The following SNTG2 variants were observed in gnomAD, a reference collection of about 807,000 sequenced individuals.
The protein encoded by SNTG2 is syntrophin gamma 2.
A neutral mutation model predicts 70.9 loss-of-function variants in SNTG2; 74 were observed. That is an observed-to-expected ratio of 1.04 (90% CI 0.86 to 1.27). The LOEUF (loss-of-function observed/expected upper bound fraction) is 1.27. SNTG2 is among the 50% of genes most tolerant of loss of function. The pLI is 0.00. For synonymous variants in SNTG2, 278 were observed against 273.8 expected (o/e 1.02, Z -0.15); for missense variants, 717 against 690.7 (o/e 1.04, Z -0.43).
chr2:971,277 TG>T (rs549951109), intron 1 of SNTG2, among the ~76,000 whole-genome samples: 39 of 152,256 alleles, frequency 2.6e-4, no homozygotes, highest in African/African-American at 9.4e-4. Context: ...GGGGATTTTC[TG>T]GTTGATAGGC....
chr2:1,315,513 C>G (rs1389484215), intron 15 of SNTG2, among the ~76,000 whole-genome samples: 2 of 151,920 alleles, frequency 1.3e-5, no homozygotes, highest in African/African-American at 4.8e-5. Context: ...TGGAATTTTC[C>G]TGGGAAGATA....
chr2:1,355,348 C>T (rs1333900674), intron 16 of SNTG2, among the ~76,000 whole-genome samples: 1 of 152,178 alleles, frequency 6.6e-6, no homozygotes, highest in African/African-American at 2.4e-5. Flanking sequence ...CGGCAACTCC[C>T]GTGTCCCCAG....
intron 8 of SNTG2, among the ~76,000 whole-genome samples, chr2:1,189,614 AGTG>A (rs1672455401): frequency 4.6e-5 from 7 of 151,396 alleles, no homozygotes; most frequent in Non-Finnish European, 2.9e-5. Context: ...GCTGGAGTCC[AGTG>A]GCACAATCTT....
chr2:1,085,483 T>A (rs1429943422), intron 2 of SNTG2, among the ~76,000 whole-genome samples: 1 of 152,232 alleles, frequency 6.6e-6, no homozygotes, highest in Non-Finnish European at 1.5e-5. Context: ...ATATTTGTAT[T>A]CCCACCTGCA....
At chr2:1,200,543 A>G (rs1023984663) in intron 8 of SNTG2, among the ~76,000 whole-genome samples, 1 of 152,088 alleles carries the variant, frequency 6.6e-6, no homozygotes, top group Non-Finnish European at 1.5e-5. Context: ...TAAACTAAAA[A>G]GCTTCTGCAC....
intron 1 of SNTG2, among the ~76,000 whole-genome samples, chr2:1,077,572 C>T (rs1440391086): frequency 1.3e-5 from 2 of 152,102 alleles, no homozygotes; most frequent in East Asian, 3.9e-4. Flanking sequence ...CATTTAGTTT[C>T]GAATATGGTA....
intron 15 of SNTG2, among the ~76,000 whole-genome samples, chr2:1,312,894 G>A (rs1021946079): frequency 9.2e-5 from 14 of 152,134 alleles, no homozygotes; most frequent in African/African-American, 3.1e-4. Context: ...TGTGGAAGAC[G>A]AAGTGCAGAC....
chr2:1,199,466 A>C (rs561695687), intron 8 of SNTG2, among the ~76,000 whole-genome samples: 36 of 152,088 alleles, frequency 2.4e-4, no homozygotes, highest in Non-Finnish European at 4.6e-4. Context: ...GTAATAAGAC[A>C]AAGATGCCCA....
intron 1 of SNTG2, among the ~76,000 whole-genome samples, chr2:951,916 A>G (rs1291141980): frequency 6.6e-6 from 1 of 152,214 alleles, no homozygotes; most frequent in Non-Finnish European, 1.5e-5. Flanking sequence ...CCAGGAATAC[A>G]GTTAGCCCTC....
At chr2:964,058 C>T (rs891763170) in intron 1 of SNTG2, among the ~76,000 whole-genome samples, 4 of 152,246 alleles carry the variant, frequency 2.6e-5, no homozygotes, top group African/African-American at 7.2e-5. Context: ...TCCCTGTTGG[C>T]GAGCTTTGTA....
At chr2:1,256,807 G>A (rs1192856481) in intron 12 of SNTG2, among the ~76,000 whole-genome samples, 1 of 152,126 alleles carries the variant, frequency 6.6e-6, no homozygotes, top group Non-Finnish European at 1.5e-5. Flanking sequence ...TGTCAGCAGG[G>A]GGAAGCCGAT....
intron 4 of SNTG2, among the ~76,000 whole-genome samples, chr2:1,110,988 A>G (rs1027178069): frequency 6.6e-6 from 1 of 152,212 alleles, no homozygotes; most frequent in Admixed American, 6.5e-5. Context: ...TTTTAGGTCT[A>G]ACTTTCCTAA....
intron 16 of SNTG2, among the ~76,000 whole-genome samples, chr2:1,334,185 T>C (rs1331040264): frequency 6.6e-6 from 1 of 151,904 alleles, no homozygotes; most frequent in Admixed American, 6.6e-5. Flanking sequence ...AACAAACATA[T>C]GAAAAAATGC....
intron 6 of SNTG2, among the ~76,000 whole-genome samples, chr2:1,145,556 A>G (rs77291110): frequency 2.0e-4 from 30 of 152,338 alleles, no homozygotes; most frequent in Non-Finnish European, 3.5e-4. Context: ...AATTAAATCA[A>G]TAGTTAATAA....
At chr2:1,017,069 A>G (rs966034276) in intron 1 of SNTG2, among the ~76,000 whole-genome samples, 2 of 152,118 alleles carry the variant, frequency 1.3e-5, no homozygotes, top group Non-Finnish European at 2.9e-5. Context: ...CTGCTACAGA[A>G]AAAGAAAATC....
At chr2:1,071,650 TAAAA>T (rs74164488) in intron 1 of SNTG2, among the ~76,000 whole-genome samples, 1 of 37,164 alleles carries the variant, frequency 2.7e-5, no homozygotes, top group East Asian at 5.3e-4. Flanking sequence ...AGTATAATAA[TAAAA>T]AAAAAAAAAC....
chr2:1,023,658 A>G (rs1660320367), intron 1 of SNTG2, among the ~76,000 whole-genome samples: 1 of 152,146 alleles, frequency 6.6e-6, no homozygotes, highest in Admixed American at 6.5e-5. Context: ...CAGCCCTTGC[A>G]AGGACACTCG....
intron 11 of SNTG2, among the ~76,000 whole-genome samples, chr2:1,246,598 T>A (rs1451576790): frequency 6.6e-6 from 1 of 152,236 alleles, no homozygotes. Flanking sequence ...TTTTTAATGC[T>A]AAGCATATGT....
intron 16 of SNTG2, among the ~76,000 whole-genome samples, chr2:1,338,814 A>G (rs554368605): frequency 2.0e-5 from 3 of 152,338 alleles, no homozygotes; most frequent in South Asian, 2.1e-4. Context: ...ATTGTGAATA[A>G]TGGTGCAATG....
Sources: gnomAD v4.1 joint callset for allele counts (sites outside exome capture counted in the v4.1 genomes callset) on GRCh38, gnomAD v4.1.1 for gene constraint, MANE v1.5 for transcripts, NCBI Gene and HGNC (gene_info 2026-07-23, HGNC 2026-07-21) for gene names.